Variants in ATP9A observed in about 807,000 individuals in gnomAD.
The protein encoded by ATP9A is ATPase phospholipid transporting 9A, also known as probable phospholipid-transporting ATPase IIA.
In ATP9A, 52 loss-of-function variants were observed where a neutral mutation model predicts 144.1. The ratio of observed to expected loss-of-function variants is 0.36; its 90% confidence interval spans 0.29 to 0.45. The LOEUF (loss-of-function observed/expected upper bound fraction) is 0.45. Ranked by LOEUF, ATP9A falls within the 20% of genes least tolerant of loss-of-function variation. The pLI, the probability that ATP9A is intolerant of heterozygous loss-of-function variation, is 1.00. For missense variants in ATP9A, 947 were observed against 1,392.7 expected (o/e 0.68, Z 5.09); for synonymous variants, 582 against 557.4 (o/e 1.04, Z -0.62).
chr20:51,611,628 T>C lies in ATP9A; in HGVS notation c.2572-1463A>G, dbSNP rs985894840. 1.4e-4 allele frequency among the ~76,000 whole-genome samples: 22 copies of C among 152,220 alleles called. No homozygotes were observed. Among genetic ancestry groups the C allele is most frequent in the African/African-American group, 5.3e-4 (22 of 41,462 alleles). On this transcript the variant is annotated intron_variant, in intron 23 of 27. Coordinates refer to ENST00000338821, the MANE Select transcript of ATP9A (RefSeq NM_006045.3). This position sits in a 1 kb window ranked among gnomAD's most constrained non-coding sequence, Gnocchi z 4.2. ...AAAGAACAATGCCTCATCCTGGAAT[T>C]CTTTTTCTACATCAATGTTAACAGT...
Position 51,641,831 on chromosome 20 carries a change from CAAAAA to C in ATP9A, c.1507-2332_1507-2328del, listed in dbSNP as rs1218133688. 1.0e-4 allele frequency among the ~76,000 whole-genome samples: 8 copies of C among 79,682 alleles called. No homozygotes were observed. In the East Asian group the frequency reaches 2.6e-3, roughly 26 times the overall value. 52.3% of individuals were successfully genotyped at this position (79,682 alleles called of 152,430 possible). A position where few individuals can be genotyped will look rare whatever the true frequency, so the allele number is the denominator to read the frequency against. ...GGGCAACAAGAGCGAAACTCCATCT[CAAAAA>C]AAAAAAAAAAAAGATAAAAAACACT... On this transcript the variant is annotated intron_variant, in intron 14 of 27. Transcript: ENST00000338821.
At position 51,672,158 on chromosome 20, in the gene ATP9A, T is replaced by TG. The variant is rs563976584; in HGVS notation, c.1038-902dup. ...TGAATCATACACTTTTTCTGACTTT[T>TG]GGGGGGGCTTATTTTTCTGGCTTAT... On this transcript the variant is annotated intron_variant, in intron 11 of 27. Transcript: ENST00000338821. Among the ~76,000 whole-genome samples, 5 of 152,172 alleles carry TG rather than the reference T, an allele frequency of 3.3e-5. No homozygotes were observed. In the South Asian group the frequency reaches 8.3e-4, roughly 25 times the overall value.
chr20:51,680,091 G>T (rs1398166365), intron 9 of ATP9A, among the ~76,000 whole-genome samples: 1 of 152,104 alleles, frequency 6.6e-6, no homozygotes, highest in Non-Finnish European at 1.5e-5. Context: ...TTATACAGGC[G>T]TGGTGATGGG....
At chr20:51,624,991 C>A (rs557875958) in intron 18 of ATP9A, among the ~76,000 whole-genome samples, 2 of 127,578 alleles carry the variant, frequency 1.6e-5, no homozygotes, top group Admixed American at 9.3e-5. Context: ...GGCGACACAG[C>A]GAGACCCCGT....
chr20:51,742,806 C>T (rs2077790859), intron 1 of ATP9A, among the ~76,000 whole-genome samples: 1 of 152,192 alleles, frequency 6.6e-6, no homozygotes, highest in Non-Finnish European at 1.5e-5. Flanking sequence ...TGAGCCGCCG[C>T]ACCTGGCCCC....
At chr20:51,736,382 C>T (rs2077762670) in intron 1 of ATP9A, among the ~76,000 whole-genome samples, 1 of 152,084 alleles carries the variant, frequency 6.6e-6, no homozygotes. Flanking sequence ...TAAAAGGTCC[C>T]CCAGGCCACT....
intron 1 of ATP9A, among the ~76,000 whole-genome samples, chr20:51,737,501 T>C (rs1436669564): frequency 1.3e-5 from 2 of 152,168 alleles, no homozygotes; most frequent in African/African-American, 2.4e-5. Context: ...GGGCCCAATA[T>C]ATATACATTC....
intron 8 of ATP9A, 136 bp downstream of exon 8, chr20:51,690,603 C>T: frequency 1.4e-6 from 1 of 739,336 alleles, no homozygotes; most frequent in East Asian, 2.5e-5. Flanking sequence ...CGCTGGCTTT[C>T]AAGGCGGTGC....
At chr20:51,647,012 G>A (rs545970558) in intron 14 of ATP9A, among the ~76,000 whole-genome samples, 35 of 152,138 alleles carry the variant, frequency 2.3e-4, no homozygotes, top group African/African-American at 8.2e-4. Flanking sequence ...CCAGCTACTC[G>A]GGAGGCTGAG....
chr20:51,671,026 T>C (rs878964300), intron 12 of ATP9A, 89 bp downstream of exon 12: 2 of 1,437,550 alleles, frequency 1.4e-6, no homozygotes, highest in South Asian at 2.4e-5. Flanking sequence ...ATCTCTCATA[T>C]GTCCAGAGAG....
intron 1 of ATP9A, among the ~76,000 whole-genome samples, chr20:51,757,997 T>G (rs1486830205): frequency 1.3e-5 from 2 of 152,198 alleles, no homozygotes; most frequent in Non-Finnish European, 2.9e-5. Context: ...CTGCGCCATT[T>G]CAGCATGGGC....
At chr20:51,696,060 T>A (rs778606307) in intron 6 of ATP9A, 33 bp downstream of exon 6, 14 of 1,587,432 alleles carry the variant, frequency 8.8e-6, no homozygotes, top group Non-Finnish European at 1.0e-5. Flanking sequence ...GAAAGGTTAA[T>A]GGTTATTTTC....
chr20:51,745,395 A>T (rs1010127955), intron 1 of ATP9A, among the ~76,000 whole-genome samples: 6 of 151,186 alleles, frequency 4.0e-5, no homozygotes, highest in Admixed American at 4.0e-4. Flanking sequence ...ATATTCTGCC[A>T]CTGCACTCCA....
intron 1 of ATP9A, among the ~76,000 whole-genome samples, chr20:51,749,609 A>G (rs537859601): frequency 1.3e-5 from 2 of 152,310 alleles, no homozygotes; most frequent in African/African-American, 4.8e-5. Context: ...GGGTATATTA[A>G]TAATAGAATA....
rs1276079980 is a variant in ATP9A at position 51,710,468 on chromosome 20, T to G, written c.436+2498A>C. Among the ~76,000 whole-genome samples the G allele has an allele frequency of 5.9e-5, 9 of 152,298 alleles. No homozygotes were observed. The East Asian group carries it at 1.5e-3, about 26-fold the overall frequency. On this transcript the variant is annotated intron_variant, in intron 4 of 27. Transcript: ENST00000338821. ...TTCGACAGGAAAGTCAAAAAAGGCT[T>G]CTTTTTCTCCCTCTTCCCTGCAATC...
chr20:51,654,397 G>A (rs551379945), intron 14 of ATP9A, among the ~76,000 whole-genome samples: 25 of 152,058 alleles, frequency 1.6e-4, no homozygotes, highest in African/African-American at 4.6e-4. Flanking sequence ...GCCAGGAACC[G>A]CAGGCTCACT....
At chr20:51,727,312 G>A (rs151111459) in intron 2 of ATP9A, among the ~76,000 whole-genome samples, 180 of 151,622 alleles carry the variant, frequency 1.2e-3, no homozygotes, top group African/African-American at 4.0e-3. Context: ...ATGTCCAGAC[G>A]TGGTGGTACA....
In ATP9A at chr20:51,596,615, G is replaced by T. The variant is rs576416544; in HGVS notation, c.*4596C>A. On this transcript the variant is annotated 3_prime_UTR_variant, in exon 28 of 28. Coordinates refer to ENST00000338821, the MANE Select transcript of ATP9A (RefSeq NM_006045.3). The stretch of plus-strand genomic sequence containing the variant: ...AATAAATAACATGCATTGATTTGGG[G>T]TTTTTTTTGCCAAAATCAAAATAAT... 2.1e-4 allele frequency: 32 copies of T among 151,616 alleles called. No homozygotes were observed. The highest frequency in any genetic ancestry group is 6.6e-4 in the Admixed American group (10 of 15,228). The allele number at this position is 151,616 out of a possible 1,614,324, so 9.4% of individuals were successfully genotyped here. A position where few individuals can be genotyped will look rare whatever the true frequency, so the allele number is the denominator to read the frequency against.
At chr20:51,660,470 C>A (rs973886035) in intron 13 of ATP9A, among the ~76,000 whole-genome samples, 3 of 152,182 alleles carry the variant, frequency 2.0e-5, no homozygotes, top group Non-Finnish European at 4.4e-5. Context: ...GACCATCTGA[C>A]AACGAATGAA....
Sources: gnomAD v4.1 joint callset for allele counts (sites outside exome capture counted in the v4.1 genomes callset) on GRCh38, gnomAD v4.1.1 for gene constraint, Gnocchi (gnomAD v3.1) non-coding constraint, MANE v1.5 for transcripts, NCBI Gene and HGNC (gene_info 2026-07-23, HGNC 2026-07-21) for gene names.